SNW1: variants seen among roughly 807,000 people sequenced by gnomAD.
The protein encoded by SNW1 is SNW domain-containing protein 1.
In SNW1, 9 loss-of-function variants were observed where a neutral mutation model predicts 75.6. That is an observed-to-expected ratio of 0.12 (90% CI 0.07 to 0.21). The LOEUF is 0.21. Ranked by LOEUF, SNW1 falls within the 10% of genes least tolerant of loss-of-function variation. SNW1 has a pLI of 1.00. For synonymous variants in SNW1, 200 were observed against 219.1 expected (o/e 0.91, Z 0.77); for missense variants, 409 against 670.9 (o/e 0.61, Z 4.31).
At chr14:77,758,195 T>A (rs2080857518) in intron 1 of SNW1, among the ~76,000 whole-genome samples, 1 of 150,776 alleles carries the variant, frequency 6.6e-6, no homozygotes, top group African/African-American at 2.4e-5. Context: ...CCGGGCGTGG[T>A]GGCGGACGCC....
chr14:77,735,788 A>G (rs1048467400), intron 7 of SNW1, 149 bp downstream of exon 7: 3 of 592,582 alleles, frequency 5.1e-6, no homozygotes, highest in Non-Finnish European at 8.9e-6. Context: ...ATACATTCTC[A>G]TAAGCATTCT....
intron 10 of SNW1, among the ~76,000 whole-genome samples, chr14:77,729,808 A>G (rs547727369): frequency 3.9e-5 from 6 of 152,308 alleles, no homozygotes; most frequent in African/African-American, 1.4e-4. Flanking sequence ...TTATTTGCCA[A>G]TTGTACCTCA....
intron 10 of SNW1, among the ~76,000 whole-genome samples, chr14:77,730,641 G>A (rs1315343634): frequency 1.3e-5 from 2 of 152,198 alleles, no homozygotes; most frequent in Non-Finnish European, 2.9e-5. Context: ...TTCACCATAT[G>A]AGGGAGCTGA....
At chr14:77,741,096 CAAAAAAAAAA>C (rs60307573) in intron 3 of SNW1, among the ~76,000 whole-genome samples, 10 of 87,304 alleles carry the variant, frequency 1.1e-4, no homozygotes, top group Admixed American at 4.3e-4. Flanking sequence ...AAACTGTCTC[CAAAAAAAAAA>C]AAAAAAAAAA....
chr14:77,743,593 A>C (rs1186808043), intron 3 of SNW1, among the ~76,000 whole-genome samples: 3 of 152,200 alleles, frequency 2.0e-5, no homozygotes, highest in African/African-American at 7.2e-5. Flanking sequence ...TGGAATAACA[A>C]ATTTTTTAAA....
chr14:77,731,213 G>A, intron 9 of SNW1, 84 bp from the exon 10 acceptor site: 1 of 1,419,718 alleles, frequency 7.0e-7, no homozygotes, highest in South Asian at 1.3e-5. Context: ...ACATCTGGCT[G>A]GTAAGAGCAA....
chr14:77,730,863 A>G lies in SNW1; in HGVS notation c.1033+125T>C, dbSNP rs185390484. On this transcript the variant is annotated intron_variant, in intron 10 of 13. Transcript: ENST00000261531. The stretch of plus-strand genomic sequence containing the variant: ...AGAGATTACTCTCCATTTCTACACT[A>G]TATCTGATGTATCTAAATTTTGTTT... 8.7e-5 allele frequency: 83 copies of G among 950,236 alleles called. 1 individual carries two copies. The East Asian group carries it at 1.4e-3, about 16-fold the overall frequency. 58.9% of individuals were successfully genotyped at this position (950,236 alleles called of 1,614,324 possible).
At chr14:77,755,161 C>G in intron 1 of SNW1, 41 bp from the exon 2 acceptor site, 3 of 1,575,102 alleles carry the variant, frequency 1.9e-6, no homozygotes, top group Non-Finnish European at 8.6e-7. Context: ...TTAAAAAACT[C>G]TTATGTTTAA....
chr14:77,751,357 A>G lies in SNW1; in HGVS notation c.292T>C (p.Tyr98His). The G allele has an allele frequency of 6.2e-7, 1 of 1,613,798 alleles. No individual in the cohort carries two copies. Among genetic ancestry groups the G allele is most frequent in the East Asian group, 2.2e-5 (1 of 44,848 alleles). Residue 98 changes from tyrosine (Y) to histidine (H), a missense_variant, in exon 3 of 14, where the codon TAT becomes CAT. Around this residue, in one of 9 missense-constraint regions of SNW1, gnomAD observed 60 missense variants for 62.6 expected, o/e 0.96. Coordinates refer to ENST00000261531, the MANE Select transcript of SNW1 (RefSeq NM_012245.3). ...IQVDSEGKIK[Y>H]DAIARQGQSK... ...TGTCCTTGTCGAGCAATTGCATCATATTTAATTTTTCCTTCAGAATCCACC... is the reference window on the plus strand; with the variant it reads ...TGTCCTTGTCGAGCAATTGCATCATGTTTAATTTTTCCTTCAGAATCCACC...
At chr14:77,760,941 G>A (rs1566839656) in intron 1 of SNW1, 173 bp downstream of exon 1, 1 of 1,473,760 alleles carries the variant, frequency 6.8e-7, no homozygotes, top group Non-Finnish European at 9.4e-7. Context: ...AAAGACCCCA[G>A]CTTCGACTAG....
intron 3 of SNW1, among the ~76,000 whole-genome samples, chr14:77,747,769 T>C (rs1287874628): frequency 6.8e-6 from 1 of 148,046 alleles, no homozygotes; most frequent in African/African-American, 2.5e-5. Context: ...AGCCCCTGCC[T>C]GGCCAGCCGC....
intron 2 of SNW1, among the ~76,000 whole-genome samples, chr14:77,754,052 T>A (rs899255092): frequency 6.6e-6 from 1 of 152,036 alleles, no homozygotes; most frequent in African/African-American, 2.4e-5. Context: ...TTTTATTTTT[T>A]ATTTTTTTTG....
intron 3 of SNW1, among the ~76,000 whole-genome samples, chr14:77,749,979 T>C (rs111795630): frequency 3.9e-5 from 6 of 152,042 alleles, no homozygotes; most frequent in South Asian, 4.2e-4. Flanking sequence ...AGCAGGAGGA[T>C]TGCTTGAGCC....
intron 5 of SNW1, among the ~76,000 whole-genome samples, 198 bp downstream of exon 5, chr14:77,738,580 A>G (rs1474162328): frequency 1.3e-5 from 2 of 152,222 alleles, no homozygotes; most frequent in Non-Finnish European, 2.9e-5. Context: ...TTTATCTCAG[A>G]AAACAAACAA....
intron 10 of SNW1, among the ~76,000 whole-genome samples, chr14:77,725,486 T>C (rs2080577743): frequency 6.6e-6 from 1 of 152,232 alleles, no homozygotes; most frequent in Admixed American, 6.5e-5. Flanking sequence ...CTTTAATCCA[T>C]TTTGATTTGA....
In SNW1 at chr14:77,730,877, T is replaced by C. The variant is rs190433273; in HGVS notation, c.1033+111A>G. On this transcript the variant is annotated intron_variant, in intron 10 of 13. Transcript: ENST00000261531. ...ATTTCTACACTATATCTGATGTATCTAAATTTTGTTTATATGTACCTACTT... is the reference window on the plus strand; with the variant it reads ...ATTTCTACACTATATCTGATGTATCCAAATTTTGTTTATATGTACCTACTT... 4.9e-5 allele frequency: 54 copies of C among 1,106,726 alleles called. No homozygotes were observed. In the East Asian group the frequency reaches 1.3e-3, roughly 26 times the overall value. 68.6% of individuals were successfully genotyped at this position (1,106,726 alleles called of 1,614,324 possible). A position where few individuals can be genotyped will look rare whatever the true frequency, so the allele number is the denominator to read the frequency against.
chr14:77,758,310 T>C (rs1275750763), intron 1 of SNW1, among the ~76,000 whole-genome samples: 2 of 27,156 alleles, frequency 7.4e-5, no homozygotes, highest in Admixed American at 5.3e-4. Flanking sequence ...AGTGAGACTC[T>C]GCCACAAAAA....
intron 5 of SNW1, among the ~76,000 whole-genome samples, chr14:77,737,994 A>AAAG (rs2080686754): frequency 6.7e-6 from 1 of 149,808 alleles, no homozygotes. Flanking sequence ...TCCATCTCAA[A>AAAG]AAAAAAAAAA....
Position 77,755,133 on chromosome 14 carries a change from A to G in SNW1, c.15-13T>C. ...TGCAGGTAAAAAGCTATAAGCAAAG[A>G]TAATAAAAGTCAGAAATTTAAAAAA... is the stretch of plus-strand genomic sequence containing the variant. On this transcript the variant is annotated splice_polypyrimidine_tract_variant and intron_variant, in intron 1 of 13. Transcript: ENST00000261531. 6.2e-7 allele frequency: 1 copy of G among 1,604,480 alleles called. No homozygotes were observed. The highest frequency in any genetic ancestry group is 2.2e-5 in the East Asian group (1 of 44,838).
Sources: allele counts gnomAD v4.1 joint callset (sites outside exome capture counted in the v4.1 genomes callset), GRCh38; gene constraint gnomAD v4.1.1; regional missense constraint gnomAD v4.1.1; transcripts MANE v1.5; gene names NCBI Gene and HGNC (gene_info 2026-07-23, HGNC 2026-07-21).